DNAH2: variants seen among roughly 807,000 people sequenced by gnomAD.
DNAH2 encodes dynein axonemal heavy chain 2.
A neutral mutation model predicts 523.5 loss-of-function variants in DNAH2; 323 were observed. That is an observed-to-expected ratio of 0.62 (90% CI 0.56 to 0.68). The LOEUF (loss-of-function observed/expected upper bound fraction) is 0.68, where lower values mean the gene tolerates loss of function less well. Ranked by LOEUF, DNAH2 falls within the 30% of genes least tolerant of loss-of-function variation. DNAH2 has a pLI of 0.00. For synonymous variants in DNAH2, 2,093 were observed against 2,177.4 expected, an observed-to-expected ratio of 0.96 and a Z score of 1.08; for missense variants, 4,907 against 5,701.5, an observed-to-expected ratio of 0.86 and a Z score of 4.49.
Position 7,798,333 on chromosome 17 carries a change from G to T in DNAH2, c.8398+9G>T. 6.2e-7 allele frequency: 1 copy of T among 1,603,856 alleles called. No individual in the cohort carries two copies. Reference sequence around the variant, plus strand: ...GCAGGAGTTCCGAGATGGTACGGCTGGGTTTCTGAAATGCTAGGAATAAAA... The same window carrying T: ...GCAGGAGTTCCGAGATGGTACGGCTTGGTTTCTGAAATGCTAGGAATAAAA... On this transcript the variant is annotated intron_variant, in intron 54 of 85. Coordinates refer to ENST00000572933, the MANE Select transcript of DNAH2 (RefSeq NM_020877.5). The surrounding 1 kb of genome is among the most constrained non-coding windows in gnomAD (Gnocchi z 5.5).
Position 7,780,478 on chromosome 17 carries a change from G to A in DNAH2, c.5851-152G>A, listed in dbSNP as rs1020174258. On this transcript the variant is annotated intron_variant, in intron 37 of 85. Transcript: ENST00000572933. The surrounding 1 kb of genome is among the most constrained non-coding windows in gnomAD (Gnocchi z 4.4). Reference sequence around the variant, plus strand: ...CGTGATATCACTAACTGACAATGGCGTCATTCACACAATTTCCTCAGGAGA... The same window carrying A: ...CGTGATATCACTAACTGACAATGGCATCATTCACACAATTTCCTCAGGAGA... 6.5e-6 allele frequency: 9 copies of A among 1,376,640 alleles called. No individual in the cohort carries two copies. Among genetic ancestry groups the A allele is most frequent in the African/African-American group, 4.3e-5 (3 of 69,076 alleles). 85.3% of individuals were successfully genotyped at this position (1,376,640 alleles called of 1,614,324 possible).
In DNAH2 at chr17:7,818,888, T is replaced by C. The variant is rs1376364859; in HGVS notation, c.10671-31T>C. ...CAGGGAGCCTGGTCCCGCTAACCCCTTGCTCCATGTGCCTCTGGGCCTCCC... is the reference window on the plus strand; with the variant it reads ...CAGGGAGCCTGGTCCCGCTAACCCCCTGCTCCATGTGCCTCTGGGCCTCCC... On this transcript the variant is annotated intron_variant, in intron 70 of 85. Transcript: ENST00000572933. The C allele has an allele frequency of 1.9e-6, 3 of 1,608,490 alleles. No homozygotes were observed. The Admixed American group carries it at 5.0e-5, about 27-fold the overall frequency.
At chr17:7,795,670 T>TTATATATATATATATAAAATATTTA (rs138758219) in intron 49 of DNAH2, among the ~76,000 whole-genome samples, 1 of 145,294 alleles carries the variant, frequency 6.9e-6, no homozygotes, top group East Asian at 2.0e-4. Flanking sequence ...TATATAATAT[T>TTATATATATATATATAAAATATTTA]TATATATATA....
intron 13 of DNAH2, among the ~76,000 whole-genome samples, chr17:7,757,796 G>A (rs1023265309): frequency 1.3e-5 from 2 of 152,216 alleles, no homozygotes; most frequent in African/African-American, 4.8e-5. Context: ...TTTGGTGTCT[G>A]GTGAGGGCCT....
Position 7,797,223 on chromosome 17 carries a change from G to A in DNAH2, c.7911G>A (p.Lys2637=). 1.2e-6 allele frequency: 2 copies of A among 1,613,768 alleles called. No homozygotes were observed. The highest frequency in any genetic ancestry group is 8.5e-7 in the Non-Finnish European group (1 of 1,179,972). ...CCAACAAGGACTTCCATGATACCAA[G>A]TCCAGCATCACACGGCTCTGGATCC... ...LRANKDFHDT[K]SSITRLWIHE... The change falls in exon 51 of 86, where the codon AAG becomes AAA. Residue 2637 remains lysine, a synonymous_variant. Coordinates refer to ENST00000572933, the MANE Select transcript of DNAH2 (RefSeq NM_020877.5).
chr17:7,738,188 T>C, intron 8 of DNAH2: 1 of 691,146 alleles, frequency 1.4e-6, no homozygotes, highest in Non-Finnish European at 2.7e-6. Flanking sequence ...GGGTAGATTC[T>C]GACTTCTTTC....
intron 12 of DNAH2, among the ~76,000 whole-genome samples, chr17:7,746,443 G>T (rs2075520603): frequency 6.6e-6 from 1 of 152,064 alleles, no homozygotes; most frequent in African/African-American, 2.4e-5. Context: ...CTTTCAAAAT[G>T]ATTAATTTTT....
chr17:7,762,222 T>A (rs2076024483), intron 18 of DNAH2, among the ~76,000 whole-genome samples: 1 of 152,156 alleles, frequency 6.6e-6, no homozygotes, highest in Non-Finnish European at 1.5e-5. Flanking sequence ...TGGTAAATAC[T>A]GTGATGAAGG....
intron 11 of DNAH2, among the ~76,000 whole-genome samples, chr17:7,741,262 CTTT>C (rs2075316711): frequency 9.2e-5 from 4 of 43,706 alleles, no homozygotes; most frequent in African/African-American, 4.1e-4. Flanking sequence ...TTCTTTCTTT[CTTT>C]CTTTCTTTCT....
intron 12 of DNAH2, among the ~76,000 whole-genome samples, chr17:7,756,182 G>A (rs540462404): frequency 1.3e-5 from 2 of 151,898 alleles, no homozygotes; most frequent in Non-Finnish European, 1.5e-5. Flanking sequence ...AGAGGTGGCA[G>A]TGAGCTGAGA....
Position 7,786,463 on chromosome 17 carries a change from C to A in DNAH2, c.6349-107C>A. The A allele has an allele frequency of 1.4e-6, 2 of 1,471,152 alleles. No homozygotes were observed. The highest frequency in any genetic ancestry group is 2.3e-4 in the Middle Eastern group (1 of 4,414). 91.1% of individuals were successfully genotyped at this position (1,471,152 alleles called of 1,614,324 possible). A position where few individuals can be genotyped will look rare whatever the true frequency, so the allele number is the denominator to read the frequency against. The stretch of plus-strand genomic sequence containing the variant: ...GAGCTGTACCTGGGACCATGGTGGC[C>A]TGGAGCGATGAGAGAAGGGACAAAT... On this transcript the variant is annotated intron_variant, in intron 40 of 85. Transcript: ENST00000572933. This position sits in a 1 kb window ranked among gnomAD's most constrained non-coding sequence, Gnocchi z 7.5.
intron 28 of DNAH2, among the ~76,000 whole-genome samples, chr17:7,772,752 T>TTTTGTTTG (rs150502949): frequency 1.3e-4 from 19 of 151,062 alleles, no homozygotes; most frequent in Admixed American, 4.0e-4. Context: ...CACATTGGTT[T>TTTTGTTTG]TTTGTTTGTT....
At chr17:7,827,647 T>C (rs1325517226) in intron 77 of DNAH2, among the ~76,000 whole-genome samples, 1 of 152,026 alleles carries the variant, frequency 6.6e-6, no homozygotes, top group Non-Finnish European at 1.5e-5. Flanking sequence ...GGTTTCACCA[T>C]GTTGACCAGG....
chr17:7,830,236 C>A, intron 77 of DNAH2, 64 bp from the exon 78 acceptor site: 1 of 1,534,252 alleles, frequency 6.5e-7, no homozygotes, highest in Non-Finnish European at 8.9e-7. Context: ...CTGTACATGG[C>A]AGTGCTAGTG....
Position 7,832,987 on chromosome 17 carries a change from G to A in DNAH2, c.12978+59G>A, listed in dbSNP as rs1046700007. On this transcript the variant is annotated intron_variant, in intron 84 of 85. Coordinates refer to ENST00000572933, the MANE Select transcript of DNAH2 (RefSeq NM_020877.5). The surrounding 1 kb of genome is among the most constrained non-coding windows in gnomAD (Gnocchi z 4.3). ...AAGAGGGTACTGGAAATAATTGGAC[G>A]AAAAGGGAGGAGAGAGGGAGCAGGT... 3.1e-6 allele frequency: 5 copies of A among 1,613,616 alleles called. No individual in the cohort carries two copies. Among genetic ancestry groups the A allele is most frequent in the Non-Finnish European group, 3.4e-6 (4 of 1,179,790 alleles).
intron 44 of DNAH2, among the ~76,000 whole-genome samples, chr17:7,789,142 C>G (rs926270488): frequency 2.0e-5 from 3 of 150,366 alleles, no homozygotes; most frequent in Admixed American, 6.7e-5. Context: ...CCAGCCTAGG[C>G]AAGACAGAGC....
chr17:7,747,265 C>T (rs1192873039), intron 12 of DNAH2, among the ~76,000 whole-genome samples: 2 of 151,840 alleles, frequency 1.3e-5, no homozygotes, highest in Admixed American at 6.6e-5. Context: ...CACTGCACCC[C>T]GTCACACCTT....
At chr17:7,817,465 G>A (rs1014468128) in intron 65 of DNAH2, 50 bp downstream of exon 65, 4 of 1,613,448 alleles carry the variant, frequency 2.5e-6, no homozygotes, top group Admixed American at 3.3e-5. Context: ...CAGGGCTGGG[G>A]GCAGGACCTT....
intron 77 of DNAH2, among the ~76,000 whole-genome samples, chr17:7,825,913 G>A (rs188530872): frequency 2.2e-4 from 34 of 152,306 alleles, no homozygotes; most frequent in Admixed American, 1.7e-3. Context: ...TTTAGAAAGC[G>A]TCTTGGCCAG....
Sources: allele counts gnomAD v4.1 joint callset (sites outside exome capture counted in the v4.1 genomes callset), GRCh38; gene constraint gnomAD v4.1.1; non-coding constraint Gnocchi (gnomAD v3.1); transcripts MANE v1.5; gene names NCBI Gene and HGNC (gene_info 2026-07-23, HGNC 2026-07-21).